The following XRCC4 variants were observed in gnomAD, a reference collection of about 807,000 sequenced individuals.
The protein encoded by XRCC4 is DNA repair protein XRCC4.
In XRCC4, 28 loss-of-function variants were observed where a neutral mutation model predicts 39.1. The ratio of observed to expected loss-of-function variants is 0.72; its 90% CI spans 0.53 to 0.98. The LOEUF (loss-of-function observed/expected upper bound fraction) is 0.98, where lower values mean the gene tolerates loss of function less well. Ranked by LOEUF, XRCC4 falls within the 50% of genes least tolerant of loss-of-function variation. The pLI is 0.00. For synonymous variants in XRCC4, 123 were observed against 126.4 expected (o/e 0.97, Z 0.18); for missense variants, 350 against 376.4 (o/e 0.93, Z 0.58).
intron 3 of XRCC4, among the ~76,000 whole-genome samples, chr5:83,123,947 A>G (rs1253452221): frequency 6.6e-6 from 1 of 152,120 alleles, no homozygotes; most frequent in Non-Finnish European, 1.5e-5. Flanking sequence ...AAATAACTTT[A>G]GAGTCGAAAA....
intron 7 of XRCC4, among the ~76,000 whole-genome samples, chr5:83,269,483 TAAC>T (rs1311107686): frequency 6.6e-6 from 1 of 150,682 alleles, no homozygotes; most frequent in African/African-American, 2.4e-5. Flanking sequence ...GAGGCACAAA[TAAC>T]AAAGAAAAAA....
intron 7 of XRCC4, among the ~76,000 whole-genome samples, chr5:83,282,324 A>T (rs913451610): frequency 6.6e-6 from 1 of 152,154 alleles, no homozygotes; most frequent in African/African-American, 2.4e-5. Flanking sequence ...ATAGCAAAAA[A>T]AAAGAAGCAA....
chr5:83,346,270 A>G (rs1756913787), intron 7 of XRCC4, among the ~76,000 whole-genome samples: 1 of 152,154 alleles, frequency 6.6e-6, no homozygotes, highest in African/African-American at 2.4e-5. Context: ...AGATTCAGGA[A>G]CTGGAAGAGC....
intron 6 of XRCC4, among the ~76,000 whole-genome samples, chr5:83,229,659 C>CT (rs61356475): frequency 0.063 from 6,578 of 103,658 alleles, 380 homozygotes; most frequent in African/African-American, 0.12. Flanking sequence ...AATGTTTAAA[C>CT]TTTTTTTTTT....
intron 7 of XRCC4, among the ~76,000 whole-genome samples, chr5:83,300,546 T>TGTGTGTG (rs1755242912): frequency 1.6e-5 from 2 of 126,990 alleles, no homozygotes; most frequent in Non-Finnish European, 3.2e-5. Context: ...TATCTTTTGT[T>TGTGTGTG]TGTGTGTGTG....
At chr5:83,088,869 G>T (rs754340575) in intron 1 of XRCC4, among the ~76,000 whole-genome samples, 8 of 152,076 alleles carry the variant, frequency 5.3e-5, no homozygotes, top group Non-Finnish European at 1.0e-4. Flanking sequence ...GTACTTTATA[G>T]GCAGGAACAT....
chr5:83,084,819 T>C (rs1484673158), intron 1 of XRCC4, among the ~76,000 whole-genome samples: 1 of 152,162 alleles, frequency 6.6e-6, no homozygotes, highest in Non-Finnish European at 1.5e-5. Context: ...CATCCTGAGT[T>C]CAAACTGCCT....
intron 3 of XRCC4, among the ~76,000 whole-genome samples, chr5:83,116,438 A>C (rs1323774294): frequency 6.6e-6 from 1 of 152,168 alleles, no homozygotes; most frequent in East Asian, 1.9e-4. Context: ...CAATTTGAAC[A>C]TTTTGAATAT....
chr5:83,207,812 A>C (rs1409685116), intron 6 of XRCC4, among the ~76,000 whole-genome samples: 1 of 152,030 alleles, frequency 6.6e-6, no homozygotes, highest in African/African-American at 2.4e-5. Flanking sequence ...TACTCTATGT[A>C]GTATTACTAT....
chr5:83,313,284 A>C (rs1022826360), intron 7 of XRCC4, among the ~76,000 whole-genome samples: 1 of 152,092 alleles, frequency 6.6e-6, no homozygotes, highest in Admixed American at 6.6e-5. Flanking sequence ...TCATGTATTA[A>C]TGTACACAGA....
chr5:83,241,861 T>C (rs753788134), intron 6 of XRCC4, among the ~76,000 whole-genome samples: 2 of 151,944 alleles, frequency 1.3e-5, no homozygotes, highest in Non-Finnish European at 2.9e-5. Context: ...AGAGAAAATA[T>C]ATTTACTATT....
intron 3 of XRCC4, among the ~76,000 whole-genome samples, chr5:83,189,537 T>C (rs747417802): frequency 1.7e-4 from 26 of 152,214 alleles, no homozygotes; most frequent in Non-Finnish European, 2.8e-4. Context: ...GCTTGAGATA[T>C]ATAAGCATTT....
chr5:83,333,478 G>A (rs1027773237), intron 7 of XRCC4, among the ~76,000 whole-genome samples: 3 of 152,126 alleles, frequency 2.0e-5, no homozygotes, highest in African/African-American at 7.2e-5. Flanking sequence ...TTTATTTTAT[G>A]TGTAAGAAAG....
chr5:83,090,347 G>GT (rs1370164150), intron 1 of XRCC4, among the ~76,000 whole-genome samples: 1 of 137,796 alleles, frequency 7.3e-6, no homozygotes, highest in African/African-American at 3.5e-5. Flanking sequence ...GTGGGGTTGG[G>GT]GGGGGCTCCC....
chr5:83,092,259 C>A (rs533030856), intron 1 of XRCC4, among the ~76,000 whole-genome samples: 2 of 152,036 alleles, frequency 1.3e-5, no homozygotes, highest in South Asian at 2.1e-4. Context: ...TGGATATTAG[C>A]CCTTTACCAA....
At chr5:83,193,908 A>AC (rs1358949575) in intron 3 of XRCC4, among the ~76,000 whole-genome samples, 2 of 151,700 alleles carry the variant, frequency 1.3e-5, no homozygotes, top group East Asian at 1.9e-4. Context: ...TCTGTAGGTG[A>AC]CTTTTTTTTT....
chr5:83,094,253 G>T lies in XRCC4; in HGVS notation c.-10-10657G>T, dbSNP rs569946691. Among the ~76,000 whole-genome samples the T allele has an allele frequency of 3.6e-3, 540 of 151,204 alleles. 5 individuals carry two copies. Among genetic ancestry groups the T allele is most frequent in the African/African-American group, 0.012 (503 of 41,116 alleles). Reference sequence around the variant, plus strand: ...CTATTATGTATAGGTTAGGTCTCTTGATGGTGCTCCATAATCCCCATAGGC... The same window carrying T: ...CTATTATGTATAGGTTAGGTCTCTTTATGGTGCTCCATAATCCCCATAGGC... On this transcript the variant is annotated intron_variant, in intron 1 of 7. Coordinates refer to ENST00000396027, the MANE Select transcript of XRCC4 (RefSeq NM_003401.5).
intron 3 of XRCC4, among the ~76,000 whole-genome samples, chr5:83,148,069 T>C (rs1748543498): frequency 6.6e-6 from 1 of 152,210 alleles, no homozygotes. Flanking sequence ...CGTCATCTTA[T>C]ATGTGATAAA....
chr5:83,158,829 GA>G (rs1749078071), intron 3 of XRCC4, among the ~76,000 whole-genome samples: 1 of 151,788 alleles, frequency 6.6e-6, no homozygotes, highest in Non-Finnish European at 1.5e-5. Context: ...AAAAAACATT[GA>G]AAAAAATACA....
Sources: gnomAD v4.1 joint callset for allele counts (sites outside exome capture counted in the v4.1 genomes callset) on GRCh38, gnomAD v4.1.1 for gene constraint, MANE v1.5 for transcripts, NCBI Gene and HGNC (gene_info 2026-07-23, HGNC 2026-07-21) for gene names.